ZNF821: variants seen among roughly 807,000 people sequenced by gnomAD.
ZNF821 encodes the protein zinc finger protein 821.
ZNF821 carries 16 observed loss-of-function variants against 44.3 expected under a neutral mutation model. The ratio of observed to expected loss-of-function variants is 0.36; its 90% CI spans 0.24 to 0.55. The LOEUF (loss-of-function observed/expected upper bound fraction) is 0.55. Ranked by LOEUF, ZNF821 falls within the 20% of genes least tolerant of loss-of-function variation. The pLI is 0.86. For synonymous variants in ZNF821, 204 were observed against 197.6 expected, an observed-to-expected ratio of 1.03 and a Z score of -0.27; for missense variants, 436 against 547.6, an observed-to-expected ratio of 0.80 and a Z score of 2.03.
At chr16:71,887,335 T>TTGCAAGC (rs1292860371), upstream of ZNF821, among the ~76,000 whole-genome samples, 2 of 147,994 alleles carry the variant, frequency 1.4e-5, no homozygotes, top group Non-Finnish European at 3.0e-5. Flanking sequence ...TCTCGGCTCA[T>TTGCAAGC]TGCAAGCTCC....
intron 4 of ZNF821, among the ~76,000 whole-genome samples, chr16:71,866,432 TC>T (rs2034553588): frequency 6.6e-6 from 1 of 152,178 alleles, no homozygotes; most frequent in Admixed American, 6.6e-5. Context: ...GTGTCTTATT[TC>T]CCAGCCCAAA....
chr16:71,860,207 C>T lies in ZNF821; in HGVS notation c.1050G>A (p.Lys350=), dbSNP rs762221381. The T allele has an allele frequency of 1.2e-6, 2 of 1,614,268 alleles. No homozygotes were observed. The highest frequency in any genetic ancestry group is 1.7e-6 in the Non-Finnish European group (2 of 1,180,038). The change falls in exon 8 of 8, where the codon AAG becomes AAA. Residue 350 remains lysine (K), a synonymous_variant. Coordinates refer to ENST00000425432, the MANE Select transcript of ZNF821 (RefSeq NM_001201552.2). This position sits in a 1 kb window ranked among gnomAD's most constrained non-coding sequence, Gnocchi z 7.3. The stretch of plus-strand genomic sequence containing the variant: ...TTTTCTCCAGCCTCCTCTTGAGCCG[C>T]TTGGCCTCTCGCTCTCGGATGAGCC... The part of the protein sequence containing the change: ...QARLIREREA[K]RLKRRLEKMD...
At position 71,860,170 on chromosome 16, in the gene ZNF821, A is replaced by G; in HGVS notation, c.1087T>C (p.Leu363=). 6.2e-7 allele frequency: 1 copy of G among 1,614,192 alleles called. No individual in the cohort carries two copies. The change falls in exon 8 of 8, where the codon TTG becomes CTG. Residue 363 remains leucine, a synonymous_variant. Transcript: ENST00000425432. The surrounding 1 kb of genome is among the most constrained non-coding windows in gnomAD (Gnocchi z 7.3). ...KRRLEKMDMM[L]RAQFGQDPSA... ...GGGTCCTGGCCAAACTGAGCTCGCA[A>G]CATCATGTCCATTTTCTCCAGCCTC...
chr16:71,888,714 A>G (rs947027969), upstream of ZNF821, among the ~76,000 whole-genome samples: 1 of 152,176 alleles, frequency 6.6e-6, no homozygotes. Flanking sequence ...TTGTGTTTAT[A>G]TTTAGAATCT....
chr16:71,863,852 C>T (rs561241650), intron 6 of ZNF821, among the ~76,000 whole-genome samples: 1 of 152,274 alleles, frequency 6.6e-6, no homozygotes, highest in South Asian at 2.1e-4. Context: ...CGCATGCCAC[C>T]ACACCTGGCT....
chr16:71,868,624 C>T (rs936117966), intron 3 of ZNF821, among the ~76,000 whole-genome samples: 1 of 152,204 alleles, frequency 6.6e-6, no homozygotes, highest in Admixed American at 6.5e-5. Context: ...AGAAAATTAA[C>T]AACTGGTTGA....
rs538553058 is a variant in ZNF821, at chr16:71,878,863, C to T, written c.40+1044G>A. Among the ~76,000 whole-genome samples, 23 of 149,076 alleles carry T rather than the reference C, an allele frequency of 1.5e-4. No homozygotes were observed. The South Asian group carries it at 4.2e-3, about 27-fold the overall frequency. On this transcript the variant is annotated intron_variant, in intron 3 of 7. Transcript: ENST00000425432. ...GGAGAATTGCTTGAAGCCAGGAGGC[C>T]GATGTTGCAGAGATCACACTGCTAC...
In ZNF821 at chr16:71,860,721, C is replaced by T. The variant is rs148359905; in HGVS notation, c.585-49G>A. On this transcript the variant is annotated intron_variant, in intron 7 of 7. Coordinates refer to ENST00000425432, the MANE Select transcript of ZNF821 (RefSeq NM_001201552.2). The surrounding 1 kb of genome is among the most constrained non-coding windows in gnomAD (Gnocchi z 7.3). Reference sequence around the variant, plus strand: ...GTTAGTGTTTCCTTCTAGCAAGAGTCGGGACTCCAGCCCTGCCTTATTCTT... The same window carrying T: ...GTTAGTGTTTCCTTCTAGCAAGAGTTGGGACTCCAGCCCTGCCTTATTCTT... 5.1e-5 allele frequency: 80 copies of T among 1,571,198 alleles called. No homozygotes were observed. In the Admixed American group the frequency reaches 6.4e-4, roughly 13 times the overall value.
At chr16:71,876,756 T>C (rs983240413) in intron 3 of ZNF821, among the ~76,000 whole-genome samples, 1 of 152,080 alleles carries the variant, frequency 6.6e-6, no homozygotes. Flanking sequence ...TACAGGTGTG[T>C]GCCACCTCGC....
intron 3 of ZNF821, among the ~76,000 whole-genome samples, chr16:71,879,296 T>C (rs773261984): frequency 1.7e-4 from 26 of 152,118 alleles, no homozygotes; most frequent in Non-Finnish European, 2.9e-4. Context: ...TCACTTCACT[T>C]TCCCTACCTG....
intron 1 of ZNF821, among the ~76,000 whole-genome samples, chr16:71,891,879 G>GC (rs1233382757): frequency 6.6e-6 from 1 of 151,590 alleles, no homozygotes; most frequent in Non-Finnish European, 1.5e-5. Flanking sequence ...CAGGCCTGTA[G>GC]CAGCTACTCA....
At chr16:71,865,079 A>T (rs763044847) in intron 4 of ZNF821, 31 bp from the exon 5 acceptor site, 1 of 1,613,754 alleles carries the variant, frequency 6.2e-7, no homozygotes, top group East Asian at 2.2e-5. Flanking sequence ...ACTTGTTCTG[A>T]TTTTTGCATG....
chr16:71,884,215 C>G (rs1234365835), upstream of ZNF821: 1 of 152,056 alleles, frequency 6.6e-6, no homozygotes, highest in Non-Finnish European at 1.5e-5. Flanking sequence ...ACGAGCCTCC[C>G]TCTCCCCCTC....
At chr16:71,887,437 A>G (rs1032283819), upstream of ZNF821, among the ~76,000 whole-genome samples, 17 of 151,636 alleles carry the variant, frequency 1.1e-4, no homozygotes, top group Middle Eastern at 3.4e-3. Context: ...TTTTTTTTGT[A>G]TTTTTAGTAG....
At chr16:71,878,113 CTTTT>C (rs59096817) in intron 3 of ZNF821, among the ~76,000 whole-genome samples, 10 of 121,736 alleles carry the variant, frequency 8.2e-5, no homozygotes, top group Non-Finnish European at 1.0e-4. Context: ...AACTATTTGT[CTTTT>C]TTTTTTTTTT....
chr16:71,885,252 C>T (rs2036805797), upstream of ZNF821: 1 of 152,452 alleles, frequency 6.6e-6, no homozygotes, highest in Non-Finnish European at 1.5e-5. Context: ...TCTAGAATGC[C>T]TGAGCCTGCC....
At chr16:71,881,245 T>C (rs1429510606) in intron 2 of ZNF821, 2 of 152,222 alleles carry the variant, frequency 1.3e-5, no homozygotes, top group Admixed American at 6.5e-5. Flanking sequence ...ACTCACCTCC[T>C]GTTATGCCAA....
In ZNF821 at chr16:71,871,963, T is replaced by C. The variant is rs572701331; in HGVS notation, c.41-3926A>G. 1.1e-4 allele frequency among the ~76,000 whole-genome samples: 17 copies of C among 152,038 alleles called. No individual in the cohort carries two copies. The East Asian group carries it at 3.1e-3, about 28-fold the overall frequency. ...TCTCCTGCCTCAACTTCCCAAGTAGTTGGGATTACAGGCAAGCACCACCAC... is the reference window on the plus strand; with the variant it reads ...TCTCCTGCCTCAACTTCCCAAGTAGCTGGGATTACAGGCAAGCACCACCAC... On this transcript the variant is annotated intron_variant, in intron 3 of 7. Coordinates refer to ENST00000425432, the MANE Select transcript of ZNF821 (RefSeq NM_001201552.2).
Position 71,879,989 on chromosome 16 carries a change from C to A in ZNF821, c.-43G>T, listed in dbSNP as rs2036257771. The A allele has an allele frequency of 5.6e-6, 9 of 1,601,724 alleles. No homozygotes were observed. The highest frequency in any genetic ancestry group is 2.7e-5 in the African/African-American group (2 of 74,552). On this transcript the variant is annotated 5_prime_UTR_variant, in exon 3 of 8. Coordinates refer to ENST00000425432, the MANE Select transcript of ZNF821 (RefSeq NM_001201552.2). Reference sequence around the variant, plus strand: ...GCTCTGGTCTTTCCCAGTTTCACGACTGGATATGTTACTACCTCCTTGCAA... The same window carrying A: ...GCTCTGGTCTTTCCCAGTTTCACGAATGGATATGTTACTACCTCCTTGCAA...
Sources: gnomAD v4.1 joint callset for allele counts (sites outside exome capture counted in the v4.1 genomes callset) on GRCh38, gnomAD v4.1.1 for gene constraint, Gnocchi (gnomAD v3.1) non-coding constraint, MANE v1.5 for transcripts, NCBI Gene and HGNC (gene_info 2026-07-23, HGNC 2026-07-21) for gene names.